Variants in PTPRJ observed in about 807,000 individuals in gnomAD.
The protein encoded by PTPRJ is receptor-type tyrosine-protein phosphatase eta.
In PTPRJ, 129 loss-of-function variants were observed where a neutral mutation model predicts 141.3. That is an observed-to-expected ratio of 0.91 (90% confidence interval 0.79 to 1.06). The LOEUF (loss-of-function observed/expected upper bound fraction) is 1.06, where lower values mean the gene tolerates loss of function less well. Among genes scored for constraint, PTPRJ ranks in the 50% least tolerant of loss-of-function variants. The pLI is 0.00. For synonymous variants in PTPRJ, 610 were observed against 640.5 expected, an observed-to-expected ratio of 0.95 and a Z score of 0.72; for missense variants, 1,601 against 1,679.7, an observed-to-expected ratio of 0.95 and a Z score of 0.82.
Position 48,137,250 on chromosome 11 carries a change from A to C in PTPRJ, c.2121A>C (p.Ser707=), listed in dbSNP as rs754770425. ...IFAQVGDGIK[S]LEPGRKSFCT... ...CACAAGTAGGGGATGGGATCAAGTC[A>C]CTGGAACCTGGCCGGAAGTCATTCT... The change falls in exon 10 of 25, where the codon TCA becomes TCC. Residue 707 remains serine, a synonymous_variant. Transcript: ENST00000418331. 35 of 1,614,028 alleles carry C rather than the reference A, an allele frequency of 2.2e-5. No homozygotes were observed. The highest frequency in any genetic ancestry group is 2.8e-5 in the Non-Finnish European group (33 of 1,180,004).
chr11:48,082,892 G>A (rs1257131257), intron 1 of PTPRJ, among the ~76,000 whole-genome samples: 3 of 152,196 alleles, frequency 2.0e-5, no homozygotes, highest in Non-Finnish European at 4.4e-5. Context: ...CAAGGCTCAT[G>A]TATACATAGT....
Position 48,139,450 on chromosome 11 carries a change from C to T in PTPRJ, c.2153-36C>T, listed in dbSNP as rs779104174. The T allele has an allele frequency of 2.5e-6, 4 of 1,599,090 alleles. No individual in the cohort carries two copies. The African/African-American group carries it at 4.0e-5, about 16-fold the overall frequency. Reference sequence around the variant, plus strand: ...TTTCCATGTTTGCAAAGGCAAAAGTCCCGGAATCTCATGCTGTGCTGTACT... The same window carrying T: ...TTTCCATGTTTGCAAAGGCAAAAGTTCCGGAATCTCATGCTGTGCTGTACT... On this transcript the variant is annotated intron_variant, in intron 10 of 24. Coordinates refer to ENST00000418331, the MANE Select transcript of PTPRJ (RefSeq NM_002843.4).
chr11:48,009,920 C>G (rs1001010194), intron 1 of PTPRJ, among the ~76,000 whole-genome samples: 1 of 152,234 alleles, frequency 6.6e-6, no homozygotes, highest in African/African-American at 2.4e-5. Flanking sequence ...TCTAAGCCAT[C>G]AAGGCCCCCC....
chr11:48,089,828 C>T (rs1855820187), intron 1 of PTPRJ, among the ~76,000 whole-genome samples: 2 of 152,166 alleles, frequency 1.3e-5, no homozygotes, highest in Non-Finnish European at 2.9e-5. Context: ...CCAGACTGCC[C>T]TGTTCCAGGC....
chr11:48,126,759 ACATT>A (rs1397404261), intron 6 of PTPRJ, among the ~76,000 whole-genome samples: 3 of 151,092 alleles, frequency 2.0e-5, no homozygotes, highest in Non-Finnish European at 4.4e-5. Flanking sequence ...GGGGACAGAA[ACATT>A]CAGTCTGTTG....
intron 4 of PTPRJ, among the ~76,000 whole-genome samples, chr11:48,123,340 A>G (rs1250554317): frequency 1.3e-5 from 2 of 152,182 alleles, no homozygotes; most frequent in Non-Finnish European, 2.9e-5. Flanking sequence ...CTTGGAGAAC[A>G]GTGTGGATCC....
At chr11:48,145,374 T>C (rs924362425) in intron 14 of PTPRJ, among the ~76,000 whole-genome samples, 4 of 152,162 alleles carry the variant, frequency 2.6e-5, no homozygotes, top group Non-Finnish European at 5.9e-5. Context: ...GCAAAGATTA[T>C]TGACTCCCCT....
intron 5 of PTPRJ, 108 bp downstream of exon 5, chr11:48,123,978 A>G (rs986313501): frequency 4.5e-5 from 58 of 1,281,412 alleles, no homozygotes; most frequent in Non-Finnish European, 6.0e-5. Context: ...TTTAGAATTT[A>G]TAAAGGGCTT....
At chr11:48,131,045 CACACACATAT>C (rs985615047) in intron 8 of PTPRJ, among the ~76,000 whole-genome samples, 14 of 90,986 alleles carry the variant, frequency 1.5e-4, no homozygotes, top group Admixed American at 2.4e-4. Context: ...CACACACACA[CACACACATAT>C]ATATATATAT....
At chr11:48,090,365 C>T (rs1590488937) in intron 1 of PTPRJ, among the ~76,000 whole-genome samples, 2 of 152,212 alleles carry the variant, frequency 1.3e-5, no homozygotes, top group Admixed American at 1.3e-4. Flanking sequence ...TCCCAGACCC[C>T]CAGCTCACAC....
At chr11:48,046,536 A>T (rs1397324959) in intron 1 of PTPRJ, among the ~76,000 whole-genome samples, 1 of 152,114 alleles carries the variant, frequency 6.6e-6, no homozygotes, top group Non-Finnish European at 1.5e-5. Flanking sequence ...GGTGGATGAG[A>T]CTGACAAGTT....
At chr11:48,138,258 C>T (rs1332211938) in intron 10 of PTPRJ, among the ~76,000 whole-genome samples, 1 of 152,216 alleles carries the variant, frequency 6.6e-6, no homozygotes, top group Non-Finnish European at 1.5e-5. Flanking sequence ...TCTGCTCCAT[C>T]CCACCTGGTC....
chr11:48,046,912 A>ATATTTT (rs1446781886), intron 1 of PTPRJ, among the ~76,000 whole-genome samples: 6 of 74,170 alleles, frequency 8.1e-5, no homozygotes, highest in African/African-American at 3.6e-4. Context: ...ATATATATAT[A>ATATTTT]TTTTTTTTTT....
intron 16 of PTPRJ, 199 bp downstream of exon 16, chr11:48,149,687 A>G (rs1173917271): frequency 3.7e-6 from 2 of 538,850 alleles, no homozygotes; most frequent in Non-Finnish European, 6.4e-6. Flanking sequence ...CTTCCTTGTC[A>G]TGTTCTACTC....
chr11:47,995,242 C>T (rs1021038683), intron 1 of PTPRJ, among the ~76,000 whole-genome samples: 26 of 152,158 alleles, frequency 1.7e-4, no homozygotes, highest in African/African-American at 4.3e-4. Flanking sequence ...TAGCTACCAT[C>T]GGTTGAATAT....
intron 1 of PTPRJ, among the ~76,000 whole-genome samples, chr11:47,991,504 C>G (rs779471020): frequency 2.0e-5 from 3 of 152,156 alleles, no homozygotes; most frequent in Non-Finnish European, 4.4e-5. Context: ...GACTTGCCAC[C>G]TGTTTCCACG....
chr11:48,153,769 T>C (rs1213872858), intron 18 of PTPRJ, 27 bp from the exon 19 acceptor site: 5 of 1,471,794 alleles, frequency 3.4e-6, no homozygotes, highest in African/African-American at 1.4e-5. Context: ...ACTAAATAAA[T>C]GAACACCTCA....
Position 48,016,815 on chromosome 11 carries a change from A to C in PTPRJ, c.96+35807A>C, listed in dbSNP as rs544502241. ...TAATAATAGTGAACATTTAAGGAAC[A>C]CTGCCTCCTATAATAGTCACCATGG... On this transcript the variant is annotated intron_variant, in intron 1 of 24. Transcript: ENST00000418331. Among the ~76,000 whole-genome samples, 5 of 152,332 alleles carry C rather than the reference A, an allele frequency of 3.3e-5. No homozygotes were observed. The South Asian group carries it at 1.0e-3, about 32-fold the overall frequency.
chr11:48,153,177 C>G (rs1231633380), intron 18 of PTPRJ, among the ~76,000 whole-genome samples: 1 of 152,236 alleles, frequency 6.6e-6, no homozygotes, highest in East Asian at 1.9e-4. Context: ...TCAAATCCAT[C>G]TCGCTGACTG....
Sources: allele counts gnomAD v4.1 joint callset (sites outside exome capture counted in the v4.1 genomes callset), GRCh38; gene constraint gnomAD v4.1.1; transcripts MANE v1.5; gene names NCBI Gene and HGNC (gene_info 2026-07-23, HGNC 2026-07-21).